Variants in HLCS observed in about 807,000 individuals in gnomAD.
HLCS encodes the protein holocarboxylase synthetase.
A neutral mutation model predicts 75.0 loss-of-function variants in HLCS; 53 were observed. The observed-to-expected ratio is 0.71, with a 90% confidence interval of 0.57 to 0.89. The LOEUF (loss-of-function observed/expected upper bound fraction) is 0.89. Ranked by LOEUF, HLCS falls within the 40% of genes least tolerant of loss-of-function variation. The pLI is 0.00. For missense variants in HLCS, 966 were observed against 1,074.0 expected, an observed-to-expected ratio of 0.90 and a Z score of 1.41; for synonymous variants, 431 against 428.6, an observed-to-expected ratio of 1.01 and a Z score of -0.07.
Position 36,838,111 on chromosome 21 carries a change from A to C in HLCS, c.1892+58749T>G, listed in dbSNP as rs530262410. Among the ~76,000 whole-genome samples, 7 of 152,098 alleles carry C rather than the reference A, an allele frequency of 4.6e-5. No homozygotes were observed. In the South Asian group the frequency reaches 1.5e-3, roughly 32 times the overall value. ...GTTGACTAGTGTAACCAAGGCAGCA[A>C]CTGGATTTCAAAGCAGCAGAGGAAG... On this transcript the variant is annotated intron_variant, in intron 6 of 10. Coordinates refer to ENST00000674895, the MANE Select transcript of HLCS (RefSeq NM_001352514.2).
intron 6 of HLCS, among the ~76,000 whole-genome samples, chr21:36,841,812 G>C (rs1003788157): frequency 6.6e-6 from 1 of 152,190 alleles, no homozygotes; most frequent in African/African-American, 2.4e-5. Context: ...TGGCATCCCA[G>C]AAATGCTTGT....
At chr21:36,972,356 C>T (rs1026651048) in intron 1 of HLCS, 1 of 152,196 alleles carries the variant, frequency 6.6e-6, no homozygotes, top group Non-Finnish European at 1.5e-5. Context: ...TGCCCTACCA[C>T]CCAGGCTGCT....
At chr21:36,946,937 G>T (rs1341093769) in intron 2 of HLCS, among the ~76,000 whole-genome samples, 1 of 152,186 alleles carries the variant, frequency 6.6e-6, no homozygotes, top group East Asian at 1.9e-4. Context: ...CTTTGGGAAT[G>T]GGGGAAAGGA....
intron 5 of HLCS, among the ~76,000 whole-genome samples, chr21:36,911,748 CAAAAAAAAAAA>C (rs11287408): frequency 2.1e-5 from 1 of 47,830 alleles, no homozygotes; most frequent in East Asian, 7.2e-4. Context: ...GACTCCGTCT[CAAAAAAAAAAA>C]AAAAAAAAAA....
chr21:36,897,406 C>T (rs2065058309), intron 5 of HLCS, among the ~76,000 whole-genome samples: 2 of 152,180 alleles, frequency 1.3e-5, no homozygotes, highest in African/African-American at 4.8e-5. Context: ...CTTACATTCT[C>T]TCATGATTTT....
chr21:36,989,063 G>T (rs2069286208), intron 1 of HLCS, among the ~76,000 whole-genome samples: 1 of 149,198 alleles, frequency 6.7e-6, no homozygotes, highest in South Asian at 2.1e-4. Context: ...TTGAGACAGG[G>T]TCTCACTCCC....
intron 6 of HLCS, among the ~76,000 whole-genome samples, chr21:36,882,529 C>T (rs1417832073): frequency 6.6e-6 from 1 of 151,920 alleles, no homozygotes; most frequent in African/African-American, 2.4e-5. Flanking sequence ...CAACCTCCAC[C>T]TCCTGGGTTC....
At chr21:36,852,026 G>A (rs2063025913) in intron 6 of HLCS, 1 of 152,250 alleles carries the variant, frequency 6.6e-6, no homozygotes, top group Non-Finnish European at 1.5e-5. Flanking sequence ...GGTGCTCTAG[G>A]CTTAAATTTA....
At chr21:36,852,580 A>G (rs1310822853) in intron 6 of HLCS, among the ~76,000 whole-genome samples, 2 of 152,210 alleles carry the variant, frequency 1.3e-5, no homozygotes, top group Admixed American at 1.3e-4. Flanking sequence ...TGAAAGCAGT[A>G]AGGAAACAGA....
chr21:36,796,660 G>A (rs1184674128), intron 6 of HLCS, among the ~76,000 whole-genome samples: 1 of 152,068 alleles, frequency 6.6e-6, no homozygotes, highest in East Asian at 1.9e-4. Flanking sequence ...AACATTATCG[G>A]GGCCACTAAC....
At chr21:36,989,918 G>A (rs2069314364) in intron 1 of HLCS, among the ~76,000 whole-genome samples, 1 of 151,036 alleles carries the variant, frequency 6.6e-6, no homozygotes, top group South Asian at 2.1e-4. Flanking sequence ...CGCCAGCGGC[G>A]CGCGGAGGCC....
chr21:36,938,270 T>C (rs2146533366), intron 3 of HLCS, among the ~76,000 whole-genome samples: 1 of 152,338 alleles, frequency 6.6e-6, no homozygotes, highest in Middle Eastern at 3.4e-3. Context: ...ATATGGGTTC[T>C]GAATTTGAAT....
intron 2 of HLCS, among the ~76,000 whole-genome samples, chr21:36,952,538 A>G (rs2067715694): frequency 6.6e-6 from 1 of 152,170 alleles, no homozygotes; most frequent in Admixed American, 6.5e-5. Flanking sequence ...TCACGCCCGT[A>G]ATCCCAGCAC....
intron 6 of HLCS, among the ~76,000 whole-genome samples, chr21:36,882,107 C>A (rs1271360994): frequency 1.3e-5 from 2 of 151,952 alleles, no homozygotes; most frequent in Non-Finnish European, 2.9e-5. Flanking sequence ...ACGGTGAAAC[C>A]CCGTCTCTAC....
At chr21:36,784,888 T>G (rs2060641594) in intron 6 of HLCS, among the ~76,000 whole-genome samples, 1 of 152,138 alleles carries the variant, frequency 6.6e-6, no homozygotes, top group Non-Finnish European at 1.5e-5. Flanking sequence ...TCATTTTCCC[T>G]TATGAAATTT....
At chr21:36,921,910 G>A (rs2066186297) in intron 5 of HLCS, among the ~76,000 whole-genome samples, 1 of 152,162 alleles carries the variant, frequency 6.6e-6, no homozygotes, top group African/African-American at 2.4e-5. Flanking sequence ...TGGGAGAAAT[G>A]ACCACTCCAC....
At chr21:36,920,199 C>T (rs968838396) in intron 5 of HLCS, among the ~76,000 whole-genome samples, 4 of 151,778 alleles carry the variant, frequency 2.6e-5, no homozygotes, top group Non-Finnish European at 5.9e-5. Context: ...CCAGGTATGG[C>T]GATATGTGCC....
At chr21:36,757,022 T>A (rs552207019) in intron 9 of HLCS, 1 of 831,726 alleles carries the variant, frequency 1.2e-6, no homozygotes, top group South Asian at 5.5e-5. Flanking sequence ...CACATTTGAT[T>A]CAATTTAATT....
At chr21:36,807,769 G>A (rs1325192112) in intron 6 of HLCS, among the ~76,000 whole-genome samples, 3 of 152,064 alleles carry the variant, frequency 2.0e-5, no homozygotes, top group African/African-American at 4.8e-5. Context: ...CTGTGGTCTG[G>A]GCACTGATCA....
Sources: allele counts gnomAD v4.1 joint callset (sites outside exome capture counted in the v4.1 genomes callset), GRCh38; gene constraint gnomAD v4.1.1; transcripts MANE v1.5; gene names NCBI Gene and HGNC (gene_info 2026-07-23, HGNC 2026-07-21).